BRIP1: variants seen among roughly 807,000 people sequenced by gnomAD.
The protein encoded by BRIP1 is Fanconi anemia group J protein.
BRIP1 carries 88 observed loss-of-function variants against 119.7 expected under a neutral mutation model. The observed-to-expected ratio is 0.74, with a 90% CI of 0.62 to 0.88. The LOEUF (loss-of-function observed/expected upper bound fraction) is 0.88, where lower values mean the gene tolerates loss of function less well. Ranked by LOEUF, BRIP1 falls within the 40% of genes least tolerant of loss-of-function variation. BRIP1 has a pLI of 0.00. For synonymous variants in BRIP1, 443 were observed against 496.5 expected (o/e 0.89, Z 1.43); for missense variants, 1,259 against 1,455.4 (o/e 0.87, Z 2.20).
rs904529948 is a variant in BRIP1 at position 61,740,256 on chromosome 17, G to T, written c.2379+2757C>A. Among the ~76,000 whole-genome samples the T allele has an allele frequency of 6.6e-6, 1 of 152,114 alleles. No homozygotes were observed. Among genetic ancestry groups the T allele is most frequent in the African/African-American group, 2.4e-5 (1 of 41,422 alleles). On this transcript the variant is annotated intron_variant, in intron 16 of 19. Transcript: ENST00000259008. This position sits in a 1 kb window ranked among gnomAD's most constrained non-coding sequence, Gnocchi z 5.4. The stretch of plus-strand genomic sequence containing the variant: ...ACACTGGAAAGAAGCGAGCCAGATG[G>T]ACAAAAGACCCCAGGATTCCCCGGA...
In BRIP1 at chr17:61,774,499, G is replaced by A. The variant is rs1261469189; in HGVS notation, c.2097+1902C>T. The stretch of plus-strand genomic sequence containing the variant: ...TACCTAATGTAAATGACGAGTTGAT[G>A]GGTGCAGCAAACCAGCATGGCACAT... On this transcript the variant is annotated intron_variant, in intron 14 of 19. Coordinates refer to ENST00000259008, the MANE Select transcript of BRIP1 (RefSeq NM_032043.3). The surrounding 1 kb of genome is among the most constrained non-coding windows in gnomAD (Gnocchi z 5.8). Among the ~76,000 whole-genome samples the A allele has an allele frequency of 6.6e-6, 1 of 152,120 alleles. No individual in the cohort carries two copies. The highest frequency in any genetic ancestry group is 2.4e-5 in the African/African-American group (1 of 41,436).
rs1312015631 is a variant in BRIP1, at chr17:61,706,604, A to G, written c.2492+9347T>C. Among the ~76,000 whole-genome samples the G allele has an allele frequency of 6.6e-6, 1 of 151,920 alleles. No individual in the cohort carries two copies. The highest frequency in any genetic ancestry group is 1.5e-5 in the Non-Finnish European group (1 of 67,940). The stretch of plus-strand genomic sequence containing the variant: ...TCTAAGGAACATTGATCCTACTACT[A>G]CTTCTTGGTTTTTGAACTTTAGAAC... On this transcript the variant is annotated intron_variant, in intron 17 of 19. Coordinates refer to ENST00000259008, the MANE Select transcript of BRIP1 (RefSeq NM_032043.3). This position sits in a 1 kb window ranked among gnomAD's most constrained non-coding sequence, Gnocchi z 5.7.
rs2077861860 is a variant in BRIP1 at position 61,793,995 on chromosome 17, C to T, written c.1341-266G>A. 2.0e-5 allele frequency among the ~76,000 whole-genome samples: 3 copies of T among 152,110 alleles called. No individual in the cohort carries two copies. In the South Asian group the frequency reaches 6.2e-4, roughly 32 times the overall value. On this transcript the variant is annotated intron_variant, in intron 9 of 19. Coordinates refer to ENST00000259008, the MANE Select transcript of BRIP1 (RefSeq NM_032043.3). This position sits in a 1 kb window ranked among gnomAD's most constrained non-coding sequence, Gnocchi z 5.2. ...CCACTTGTTTTGTGGATTCACATTG[C>T]TTTACTTAGCTAATGTCTCTTCAAC...
At chr17:61,772,831 A>C (rs970259706) in intron 14 of BRIP1, among the ~76,000 whole-genome samples, 3 of 151,250 alleles carry the variant, frequency 2.0e-5, no homozygotes, top group Non-Finnish European at 4.4e-5. Context: ...AAAAAAAAAA[A>C]AAAAAAAAAA....
rs1487403400 is a variant in BRIP1, at chr17:61,843,187, GA to G, written c.627+3913del. On this transcript the variant is annotated intron_variant, in intron 6 of 19. Transcript: ENST00000259008. The surrounding 1 kb of genome is among the most constrained non-coding windows in gnomAD (Gnocchi z 5.7). ...GTCAAATACATAGAAACAGAAATCA[GA>G]ACAATGGTTACTGGGGCAGGGAGGT... 6.6e-6 allele frequency among the ~76,000 whole-genome samples: 1 copy of G among 152,130 alleles called. No homozygotes were observed. The highest frequency in any genetic ancestry group is 1.5e-5 in the Non-Finnish European group (1 of 68,014).
rs2145340518 is a variant in BRIP1 at position 61,801,425 on chromosome 17, T to C, written c.968A>G (p.His323Arg). 1.2e-6 allele frequency: 2 copies of C among 1,613,908 alleles called. No homozygotes were observed. The highest frequency in any genetic ancestry group is 1.7e-6 in the Non-Finnish European group (2 of 1,179,846). ...CATCCCTTGGAAAGTCTGTAATGTG[T>C]GCTGATCACTAATTTTATGAACTCC... ...YHGVHKISDQ[H>R]TLQTFQGMCK... The change falls in exon 8 of 20, where the codon CAC becomes CGC. Residue 323 changes from histidine (H) to arginine (R), a missense_variant. By Grantham distance (29) the His-to-Arg change is conservative. Around this residue, in one of 3 missense-constraint regions of BRIP1, gnomAD observed 501 missense variants for 544.0 expected, o/e 0.92. Transcript: ENST00000259008.
intron 16 of BRIP1, among the ~76,000 whole-genome samples, chr17:61,737,751 G>A (rs528743284): frequency 8.5e-5 from 13 of 152,170 alleles, no homozygotes; most frequent in African/African-American, 2.4e-4. Context: ...AACTGCATGC[G>A]TATACTCTTA....
At chr17:61,771,618 CTAAAT>C (rs1462227424) in intron 14 of BRIP1, among the ~76,000 whole-genome samples, 2 of 152,090 alleles carry the variant, frequency 1.3e-5, no homozygotes, top group African/African-American at 2.4e-5. Flanking sequence ...TGATGGGAAT[CTAAAT>C]TATGCATTGA....
chr17:61,788,295 T>TA (rs2145193736), intron 10 of BRIP1, among the ~76,000 whole-genome samples: 1 of 152,170 alleles, frequency 6.6e-6, no homozygotes. Flanking sequence ...TCTAATCTTT[T>TA]AAAAATAAAA....
chr17:61,772,351 T>C (rs1226252057), intron 14 of BRIP1, among the ~76,000 whole-genome samples: 3 of 151,368 alleles, frequency 2.0e-5, no homozygotes, highest in African/African-American at 7.3e-5. Flanking sequence ...GTAGCTACAA[T>C]AGCCAAATTC....
chr17:61,687,948 C>G lies in BRIP1; in HGVS notation c.2576-1783G>C, dbSNP rs889801669. On this transcript the variant is annotated intron_variant, in intron 18 of 19. Transcript: ENST00000259008. This position sits in a 1 kb window ranked among gnomAD's most constrained non-coding sequence, Gnocchi z 5.1. The stretch of plus-strand genomic sequence containing the variant: ...ACATGAGCTGGCATACCCTACATGC[C>G]CAGGGGCCACTAAGAACAAAAGCGC... Among the ~76,000 whole-genome samples the G allele has an allele frequency of 9.2e-5, 14 of 152,152 alleles. No homozygotes were observed. The highest frequency in any genetic ancestry group is 3.4e-4 in the African/African-American group (14 of 41,436).
intron 5 of BRIP1, 77 bp downstream of exon 5, chr17:61,849,052 C>T (rs2078775544): frequency 6.8e-7 from 1 of 1,476,658 alleles, no homozygotes; most frequent in Admixed American, 1.7e-5. Flanking sequence ...TCCACAAGTG[C>T]ATTAAAAACA....
rs1156416888 is a variant in BRIP1, at chr17:61,822,548, GATGACT to G, written c.628-13797_628-13792del. Among the ~76,000 whole-genome samples the G allele has an allele frequency of 6.6e-6, 1 of 152,176 alleles. No homozygotes were observed. The highest frequency in any genetic ancestry group is 1.5e-5 in the Non-Finnish European group (1 of 68,036). The stretch of plus-strand genomic sequence containing the variant: ...TCAAATCAATCATACAGGTTAATGA[GATGACT>G]GAATAGGAAAACAGACTGCTCTCAC... On this transcript the variant is annotated intron_variant, in intron 6 of 19. Coordinates refer to ENST00000259008, the MANE Select transcript of BRIP1 (RefSeq NM_032043.3). This position sits in a 1 kb window ranked among gnomAD's most constrained non-coding sequence, Gnocchi z 4.4.
rs2076948760 is a variant in BRIP1, at chr17:61,738,593, T to C, written c.2379+4420A>G. 6.6e-6 allele frequency among the ~76,000 whole-genome samples: 1 copy of C among 152,074 alleles called. No homozygotes were observed. Among genetic ancestry groups the C allele is most frequent in the Admixed American group, 6.6e-5 (1 of 15,246 alleles). On this transcript the variant is annotated intron_variant, in intron 16 of 19. Transcript: ENST00000259008. The surrounding 1 kb of genome is among the most constrained non-coding windows in gnomAD (Gnocchi z 4.2). ...CTTTTTTGCATGACAGACTGAGATA[T>C]TGTCTAGGAAGAATTTATCCTGAGG...
chr17:61,854,702 CAAA>C (rs60657866), intron 4 of BRIP1, among the ~76,000 whole-genome samples: 255 of 82,304 alleles, frequency 3.1e-3, no homozygotes, highest in African/African-American at 0.01. Context: ...GACTCCGTCT[CAAA>C]AAAAAAAAAA....
Position 61,772,192 on chromosome 17 carries a change from TATATATATATATATATAA to T in BRIP1, c.2097+4191_2097+4208del, listed in dbSNP as rs1195308329. On this transcript the variant is annotated intron_variant, in intron 14 of 19. Coordinates refer to ENST00000259008, the MANE Select transcript of BRIP1 (RefSeq NM_032043.3). ...ATATATATATATATATATATATATA[TATATATATATATATATAA>T]AATGAAATATTATTCTGCCATAAAA... Among the ~76,000 whole-genome samples the T allele has an allele frequency of 3.2e-3, 387 of 121,010 alleles. 3 individuals are homozygous for T. Among genetic ancestry groups the T allele is most frequent in the East Asian group, 0.011 (43 of 4,028 alleles). The allele number at this position is 121,010 out of a possible 152,430, so 79.4% of individuals were successfully genotyped here. A position where few individuals can be genotyped will look rare whatever the true frequency, so the allele number is the denominator to read the frequency against.
chr17:61,692,339 G>A (rs571459786), intron 18 of BRIP1, among the ~76,000 whole-genome samples: 6 of 152,184 alleles, frequency 3.9e-5, no homozygotes, highest in Non-Finnish European at 7.4e-5. Context: ...CTTCTGTGCA[G>A]CAAAGTAAAT....
chr17:61,841,944 G>T lies in BRIP1; in HGVS notation c.627+5157C>A, dbSNP rs2078663958. Among the ~76,000 whole-genome samples, 1 of 152,118 alleles carries T rather than the reference G, an allele frequency of 6.6e-6. No homozygotes were observed. The highest frequency in any genetic ancestry group is 1.5e-5 in the Non-Finnish European group (1 of 68,024). The stretch of plus-strand genomic sequence containing the variant: ...GATTCTCCTACCTGAGCCTTCCAAA[G>T]TGTTGGGATTACTGGTGTGAGCCAC... On this transcript the variant is annotated intron_variant, in intron 6 of 19. Coordinates refer to ENST00000259008, the MANE Select transcript of BRIP1 (RefSeq NM_032043.3). The surrounding 1 kb of genome is among the most constrained non-coding windows in gnomAD (Gnocchi z 4.1).
chr17:61,786,122 TAG>T (rs925256952), intron 10 of BRIP1, among the ~76,000 whole-genome samples: 6 of 151,002 alleles, frequency 4.0e-5, no homozygotes, highest in African/African-American at 1.5e-4. Context: ...ACTGGCAGAA[TAG>T]AGAGTGAAGA....
Sources: allele counts gnomAD v4.1 joint callset (sites outside exome capture counted in the v4.1 genomes callset), GRCh38; gene constraint gnomAD v4.1.1; regional missense constraint gnomAD v4.1.1; non-coding constraint Gnocchi (gnomAD v3.1); transcripts MANE v1.5; gene names NCBI Gene and HGNC (gene_info 2026-07-23, HGNC 2026-07-21).